RAB10: variants seen among roughly 807,000 people sequenced by gnomAD.
RAB10 encodes the protein RAB10, member RAS oncogene family, also known as ras-related protein Rab-10.
Under a neutral mutation model 25.7 loss-of-function variants are expected in RAB10, and 5 were observed. The ratio of observed to expected loss-of-function variants is 0.19; its 90% CI spans 0.10 to 0.41. RAB10 has a LOEUF of 0.41. Ranked by LOEUF, RAB10 falls within the 10% of genes least tolerant of loss-of-function variation. The pLI, the probability that RAB10 is intolerant of heterozygous loss-of-function variation, is 1.00. For missense variants in RAB10, 103 were observed against 245.8 expected, an observed-to-expected ratio of 0.42 and a Z score of 3.89; for synonymous variants, 89 against 86.4, an observed-to-expected ratio of 1.03 and a Z score of -0.16.
intron 3 of RAB10, among the ~76,000 whole-genome samples, chr2:26,120,748 A>G (rs977396008): frequency 1.3e-5 from 2 of 150,892 alleles, no homozygotes; most frequent in South Asian, 2.1e-4. Flanking sequence ...CCATCAACAC[A>G]CCCAGCTAAT....
intron 1 of RAB10, among the ~76,000 whole-genome samples, chr2:26,088,708 G>A (rs1009905490): frequency 2.0e-5 from 3 of 152,036 alleles, no homozygotes; most frequent in South Asian, 2.1e-4. Context: ...CCCCCTCCCC[G>A]GTTCAAGTGA....
At chr2:26,089,476 G>A (rs1667058890) in intron 1 of RAB10, among the ~76,000 whole-genome samples, 1 of 151,762 alleles carries the variant, frequency 6.6e-6, no homozygotes, top group African/African-American at 2.4e-5. Flanking sequence ...GTTAAGCAGT[G>A]GAGAGAATGC....
intron 1 of RAB10, among the ~76,000 whole-genome samples, chr2:26,056,969 A>T (rs1344307605): frequency 6.6e-6 from 1 of 152,202 alleles, no homozygotes; most frequent in Non-Finnish European, 1.5e-5. Flanking sequence ...TCTGACAATA[A>T]GCTTGTACTT....
chr2:26,097,913 T>A (rs539358370), intron 1 of RAB10, among the ~76,000 whole-genome samples: 1 of 152,318 alleles, frequency 6.6e-6, no homozygotes, highest in South Asian at 2.1e-4. Flanking sequence ...AAGAATAGAC[T>A]GCTTTATCAT....
rs1666197313 is a variant in RAB10, at chr2:26,054,118, G to A, written c.127+19383G>A. Among the ~76,000 whole-genome samples, 5 of 148,008 alleles carry A rather than the reference G, an allele frequency of 3.4e-5. No individual in the cohort carries two copies. In the Admixed American group the frequency reaches 3.4e-4, roughly 10 times the overall value. ...GGTGGAGTGCAATGGCGTGATCTCG[G>A]CTCACTGCAACCTCTGCCTCCCAGG... On this transcript the variant is annotated intron_variant, in intron 1 of 5. Coordinates refer to ENST00000264710, the MANE Select transcript of RAB10 (RefSeq NM_016131.5).
intron 1 of RAB10, among the ~76,000 whole-genome samples, chr2:26,041,660 C>T (rs1400781259): frequency 1.3e-5 from 2 of 151,212 alleles, no homozygotes; most frequent in East Asian, 2.0e-4. Flanking sequence ...AATCCCAGCA[C>T]TTTGGGAGAC....
intron 3 of RAB10, among the ~76,000 whole-genome samples, chr2:26,115,962 T>C (rs1667680250): frequency 6.6e-6 from 1 of 150,550 alleles, no homozygotes; most frequent in African/African-American, 2.4e-5. Context: ...CTGGTTTAAG[T>C]GATTCTTCTG....
intron 5 of RAB10, 101 bp from the exon 6 acceptor site, chr2:26,134,837 A>C: frequency 1.1e-6 from 1 of 878,744 alleles, no homozygotes; most frequent in Non-Finnish European, 1.7e-6. Flanking sequence ...TTGTAGTTGT[A>C]TTTTGTTGTA....
intron 1 of RAB10, among the ~76,000 whole-genome samples, chr2:26,038,199 GTT>G (rs35621018): frequency 1.6e-5 from 2 of 127,684 alleles, no homozygotes; most frequent in African/African-American, 2.9e-5. Context: ...TTGTTTGTTT[GTT>G]TTTTTTTTTT....
chr2:26,040,066 C>A (rs1407147770), intron 1 of RAB10, among the ~76,000 whole-genome samples: 1 of 152,090 alleles, frequency 6.6e-6, no homozygotes, highest in African/African-American at 2.4e-5. Context: ...TGTAAAGTAG[C>A]CAGTTGGTCA....
chr2:26,088,674 T>C (rs183131676), intron 1 of RAB10, among the ~76,000 whole-genome samples: 3 of 152,186 alleles, frequency 2.0e-5, no homozygotes, highest in African/African-American at 7.2e-5. Context: ...AGTGCAGTGG[T>C]GCGATCTCGT....
At chr2:26,099,654 C>G (rs2149280498) in intron 2 of RAB10, among the ~76,000 whole-genome samples, 1 of 149,192 alleles carries the variant, frequency 6.7e-6, no homozygotes, top group Non-Finnish European at 1.5e-5. Context: ...CATTCTCCTG[C>G]CTCAGCCTCC....
At chr2:26,118,449 T>G (rs374306734) in intron 3 of RAB10, among the ~76,000 whole-genome samples, 248 of 94,732 alleles carry the variant, frequency 2.6e-3, no homozygotes, top group African/African-American at 3.5e-3. Context: ...GGGGGTGGGG[T>G]GGGGGTGGGG....
chr2:26,127,414 A>G (rs899497498), intron 4 of RAB10, 181 bp downstream of exon 4: 1 of 559,642 alleles, frequency 1.8e-6, no homozygotes, highest in African/African-American at 2.0e-5. Flanking sequence ...TTTAACATGT[A>G]TGGGAGAATC....
chr2:26,043,287 T>C (rs1187950199), intron 1 of RAB10, among the ~76,000 whole-genome samples: 1 of 152,136 alleles, frequency 6.6e-6, no homozygotes, highest in Non-Finnish European at 1.5e-5. Flanking sequence ...CTGTACATGT[T>C]GGCGCATGCC....
At chr2:26,076,876 G>A (rs1186275230) in intron 1 of RAB10, among the ~76,000 whole-genome samples, 6 of 150,150 alleles carry the variant, frequency 4.0e-5, no homozygotes, top group African/African-American at 1.2e-4. Flanking sequence ...CCCGGGAGGC[G>A]GAAGTTGCAG....
In RAB10 at chr2:26,034,787, T is replaced by C. The variant is rs776737627; in HGVS notation, c.127+52T>C. ...GGTCTCGGTAGCTGCATACCGTTTA[T>C]TTTACTCCAGACATCTTGCTTCCCG... On this transcript the variant is annotated intron_variant, in intron 1 of 5. Coordinates refer to ENST00000264710, the MANE Select transcript of RAB10 (RefSeq NM_016131.5). The C allele has an allele frequency of 1.7e-5, 28 of 1,603,062 alleles. No homozygotes were observed. In the East Asian group the frequency reaches 4.0e-4, roughly 23 times the overall value.
intron 1 of RAB10, among the ~76,000 whole-genome samples, chr2:26,040,276 C>G (rs1221111620): frequency 6.6e-6 from 1 of 152,156 alleles, no homozygotes; most frequent in East Asian, 1.9e-4. Flanking sequence ...CTCGGCCTCT[C>G]ACGTAGCTGG....
chr2:26,062,737 AAAC>A (rs1666431516), intron 1 of RAB10, among the ~76,000 whole-genome samples: 1 of 152,142 alleles, frequency 6.6e-6, no homozygotes, highest in Non-Finnish European at 1.5e-5. Flanking sequence ...AAACTGGCTT[AAAC>A]AACAACAAAA....
Sources: gnomAD v4.1 joint callset for allele counts (sites outside exome capture counted in the v4.1 genomes callset) on GRCh38, gnomAD v4.1.1 for gene constraint, MANE v1.5 for transcripts, NCBI Gene and HGNC (gene_info 2026-07-23, HGNC 2026-07-21) for gene names.